CAMKMT: variants seen among roughly 807,000 people sequenced by gnomAD.
The protein encoded by CAMKMT is calmodulin-lysine N-methyltransferase.
A neutral mutation model predicts 48.0 loss-of-function variants in CAMKMT; 53 were observed. That is an observed-to-expected ratio of 1.10 (90% confidence interval 0.89 to 1.39). The LOEUF is 1.39. Among genes scored for constraint, CAMKMT ranks in the 40% most tolerant of loss-of-function variants. The pLI, the probability that CAMKMT is intolerant of heterozygous loss-of-function variation, is 0.00. For missense variants in CAMKMT, 428 were observed against 402.7 expected, an observed-to-expected ratio of 1.06 and a Z score of -0.54; for synonymous variants, 165 against 152.3, an observed-to-expected ratio of 1.08 and a Z score of -0.61.
intron 3 of CAMKMT, among the ~76,000 whole-genome samples, chr2:44,442,148 A>G (rs1666704158): frequency 1.3e-5 from 2 of 152,160 alleles, no homozygotes; most frequent in African/African-American, 4.8e-5. Flanking sequence ...TACCCAAGCA[A>G]GACTCCAGTC....
chr2:44,619,095 CAT>C (rs1449693141), intron 3 of CAMKMT, among the ~76,000 whole-genome samples: 1 of 152,088 alleles, frequency 6.6e-6, no homozygotes, highest in Admixed American at 6.6e-5. Flanking sequence ...AGGATGGAAA[CAT>C]AGATGTAGTA....
intron 3 of CAMKMT, among the ~76,000 whole-genome samples, chr2:44,443,550 G>A (rs1390975989): frequency 6.6e-6 from 1 of 152,054 alleles, no homozygotes; most frequent in Non-Finnish European, 1.5e-5. Context: ...AAGCTGCTCA[G>A]TATTACTCTT....
chr2:44,439,973 A>G (rs1666544657), intron 3 of CAMKMT, among the ~76,000 whole-genome samples: 1 of 152,162 alleles, frequency 6.6e-6, no homozygotes, highest in Non-Finnish European at 1.5e-5. Flanking sequence ...CTTGGAGACA[A>G]AGGTCTCATT....
At chr2:44,497,540 A>G (rs1669805387) in intron 3 of CAMKMT, among the ~76,000 whole-genome samples, 2 of 152,194 alleles carry the variant, frequency 1.3e-5, no homozygotes, top group Admixed American at 1.3e-4. Context: ...GTATAGATGT[A>G]GTAAAGATAC....
At chr2:44,615,397 G>A (rs892817821) in intron 3 of CAMKMT, among the ~76,000 whole-genome samples, 4 of 152,174 alleles carry the variant, frequency 2.6e-5, no homozygotes, top group Admixed American at 1.3e-4. Flanking sequence ...CTGAATTACG[G>A]CTATGGCCAG....
intron 3 of CAMKMT, among the ~76,000 whole-genome samples, chr2:44,533,009 T>A (rs1039482870): frequency 2.3e-4 from 35 of 151,786 alleles, no homozygotes; most frequent in Admixed American, 5.9e-4. Flanking sequence ...AGACGGGGTT[T>A]CGTCATGTTG....
chr2:44,650,493 A>G (rs1199403250), intron 3 of CAMKMT, among the ~76,000 whole-genome samples: 3 of 152,242 alleles, frequency 2.0e-5, no homozygotes, highest in Admixed American at 6.5e-5. Flanking sequence ...TAGTATATAA[A>G]TAAGAAATGC....
intron 2 of CAMKMT, among the ~76,000 whole-genome samples, chr2:44,378,999 C>A (rs1212805094): frequency 6.6e-6 from 1 of 152,164 alleles, no homozygotes; most frequent in Non-Finnish European, 1.5e-5. Context: ...TGTTGTACAG[C>A]CTTCACCACT....
At chr2:44,497,707 CAAAGAG>C (rs1477455945) in intron 3 of CAMKMT, among the ~76,000 whole-genome samples, 3 of 82,802 alleles carry the variant, frequency 3.6e-5, no homozygotes, top group African/African-American at 1.4e-4. Context: ...ATTAAGCAGG[CAAAGAG>C]AGAGAGAGAG....
chr2:44,709,618 A>AT (rs1014200565), intron 6 of CAMKMT, among the ~76,000 whole-genome samples: 37 of 151,570 alleles, frequency 2.4e-4, no homozygotes, highest in East Asian at 7.8e-4. Context: ...AATATGAATG[A>AT]TTTTTTTTTC....
In CAMKMT at chr2:44,583,817, AAAG is replaced by A. The variant is rs551469376; in HGVS notation, c.377-120462_377-120460del. 4.3e-3 allele frequency among the ~76,000 whole-genome samples: 647 copies of A among 152,174 alleles called. 1 individual carries two copies. Among genetic ancestry groups the A allele is most frequent in the Non-Finnish European group, 6.7e-3 (455 of 68,024 alleles). On this transcript the variant is annotated intron_variant, in intron 3 of 10. Coordinates refer to ENST00000378494, the MANE Select transcript of CAMKMT (RefSeq NM_024766.5). ...TCTCTGAAAAGAAGAAAGAAAGAAAAAAGAAGGAAGGAAGGAGACAAAAAATAA... is the reference window on the plus strand; with the variant it reads ...TCTCTGAAAAGAAGAAAGAAAGAAAAAAGGAAGGAAGGAGACAAAAAATAA...
At chr2:44,582,709 G>C (rs1203949577) in intron 3 of CAMKMT, among the ~76,000 whole-genome samples, 1 of 152,158 alleles carries the variant, frequency 6.6e-6, no homozygotes, top group Non-Finnish European at 1.5e-5. Flanking sequence ...CAAAATGTTG[G>C]AGGAGATAAT....
chr2:44,606,718 T>TAAG (rs1427675387), intron 3 of CAMKMT, among the ~76,000 whole-genome samples: 3 of 152,112 alleles, frequency 2.0e-5, no homozygotes, highest in Non-Finnish European at 2.9e-5. Context: ...TTCAATGTTC[T>TAAG]ACCCTTTCAG....
At chr2:44,522,155 C>T (rs1375739422) in intron 3 of CAMKMT, among the ~76,000 whole-genome samples, 1 of 152,030 alleles carries the variant, frequency 6.6e-6, no homozygotes, top group East Asian at 1.9e-4. Context: ...AGGCACATGC[C>T]ACCACTCCTG....
intron 3 of CAMKMT, among the ~76,000 whole-genome samples, chr2:44,548,029 G>C (rs188359078): frequency 1.4e-4 from 21 of 152,288 alleles, no homozygotes; most frequent in Admixed American, 1.0e-3. Context: ...ACATCTTCCT[G>C]CAGATTTAGG....
At chr2:44,506,802 C>G (rs1399237244) in intron 3 of CAMKMT, among the ~76,000 whole-genome samples, 1 of 152,114 alleles carries the variant, frequency 6.6e-6, no homozygotes, top group African/African-American at 2.4e-5. Flanking sequence ...TTAAACCGTT[C>G]TTGCTTTTTG....
At chr2:44,363,437 C>CT (rs1200678135) in intron 1 of CAMKMT, among the ~76,000 whole-genome samples, 2 of 151,704 alleles carry the variant, frequency 1.3e-5, no homozygotes, top group African/African-American at 4.8e-5. Context: ...ACTGCAATGG[C>CT]TGCCATCTCC....
chr2:44,365,092 C>T (rs1438975528), intron 1 of CAMKMT, among the ~76,000 whole-genome samples: 1 of 152,148 alleles, frequency 6.6e-6, no homozygotes, highest in African/African-American at 2.4e-5. Flanking sequence ...AATGAATGAA[C>T]CATTCCTATC....
At position 44,647,847 on chromosome 2, in the gene CAMKMT, G is replaced by T. The variant is rs928783505; in HGVS notation, c.377-56436G>T. Among the ~76,000 whole-genome samples, 4 of 147,310 alleles carry T rather than the reference G, an allele frequency of 2.7e-5. No individual in the cohort carries two copies. The South Asian group carries it at 8.7e-4, about 32-fold the overall frequency. On this transcript the variant is annotated intron_variant, in intron 3 of 10. Coordinates refer to ENST00000378494, the MANE Select transcript of CAMKMT (RefSeq NM_024766.5). ...GGTGTGAACCCAGGAGGTGGAGCTTGCAGTGAGCCGAGATCCCACCACTAC... is the reference window on the plus strand; with the variant it reads ...GGTGTGAACCCAGGAGGTGGAGCTTTCAGTGAGCCGAGATCCCACCACTAC...
Sources: gnomAD v4.1 joint callset for allele counts (sites outside exome capture counted in the v4.1 genomes callset) on GRCh38, gnomAD v4.1.1 for gene constraint, MANE v1.5 for transcripts, NCBI Gene and HGNC (gene_info 2026-07-23, HGNC 2026-07-21) for gene names.